The following ZYX variants were observed in gnomAD, a reference collection of about 807,000 sequenced individuals.
ZYX encodes the protein zyxin, also known as zyxin-2.
ZYX carries 37 observed loss-of-function variants against 58.1 expected under a neutral mutation model. The ratio of observed to expected loss-of-function variants is 0.64; its 90% CI spans 0.49 to 0.84. The LOEUF (loss-of-function observed/expected upper bound fraction) is 0.84, where lower values mean the gene tolerates loss of function less well. Among genes scored for constraint, ZYX ranks in the 40% least tolerant of loss-of-function variants. ZYX has a pLI of 0.00. For synonymous variants in ZYX, 324 were observed against 321.1 expected, an observed-to-expected ratio of 1.01 and a Z score of -0.10; for missense variants, 762 against 761.6, an observed-to-expected ratio of 1.00 and a Z score of -0.01.
At position 143,384,948 on chromosome 7, in the gene ZYX, G is replaced by A. The variant is rs146409228; in HGVS notation, c.1023+1626G>A. Among the ~76,000 whole-genome samples the A allele has an allele frequency of 3.6e-4, 55 of 152,284 alleles. No homozygotes were observed. The East Asian group carries it at 0.01, about 28-fold the overall frequency. Reference sequence around the variant, plus strand: ...AAATCCAGGGCTAGGTTTCAGGAGAGGGCCAGAGATGTCTAGCATGGTAGT... The same window carrying A: ...AAATCCAGGGCTAGGTTTCAGGAGAAGGCCAGAGATGTCTAGCATGGTAGT... On this transcript the variant is annotated intron_variant, in intron 5 of 9. Transcript: ENST00000322764. The surrounding 1 kb of genome is among the most constrained non-coding windows in gnomAD (Gnocchi z 4.9).
chr7:143,390,779 T>TAGCCCCTCCCATTTCC lies in ZYX; in HGVS notation c.*99_*114dup. On this transcript the variant is annotated 3_prime_UTR_variant, in exon 10 of 10. Transcript: ENST00000322764. The surrounding 1 kb of genome is among the most constrained non-coding windows in gnomAD (Gnocchi z 4.3). ...CCACCTCAGTTATTGTTTTGATGTC[T>TAGCCCCTCCCATTTCC]AGCCCCTCCCATTTCCAACCCCTCC... 1 of 943,796 alleles carries TAGCCCCTCCCATTTCC rather than the reference T, an allele frequency of 1.1e-6. No homozygotes were observed. The highest frequency in any genetic ancestry group is 2.1e-5 in the Admixed American group (1 of 48,472). The allele number at this position is 943,796 out of a possible 1,614,324, so 58.5% of individuals were successfully genotyped here.
In ZYX at chr7:143,381,602, T is replaced by G; in HGVS notation, c.31T>G (p.Ser11Ala). 1 of 1,611,462 alleles carries G rather than the reference T, an allele frequency of 6.2e-7. No individual in the cohort carries two copies. Among genetic ancestry groups the G allele is most frequent in the Non-Finnish European group, 8.5e-7 (1 of 1,179,226 alleles). ...GGCCCCCCGCCCGTCTCCCGCGATC[T>G]CCGTTTCGGTCTCGGCTCCGGCTTT... MAAPRPSPAI[S>A]VSVSAPAFYA... Residue 11 changes from serine to alanine, a missense_variant, in exon 2 of 10, where the codon TCC (serine) becomes GCC (alanine). Coordinates refer to ENST00000322764, the MANE Select transcript of ZYX (RefSeq NM_003461.5).
At chr7:143,382,477 T>C (rs1804662480) in intron 3 of ZYX, 30 bp downstream of exon 3, 2 of 1,586,914 alleles carry the variant, frequency 1.3e-6, no homozygotes, top group African/African-American at 2.7e-5. Flanking sequence ...GCGGCTGCAC[T>C]GGACACCCCC....
In ZYX at chr7:143,384,450, A is replaced by C. The variant is rs965177565; in HGVS notation, c.1023+1128A>C. Among the ~76,000 whole-genome samples the C allele has an allele frequency of 6.6e-6, 1 of 152,138 alleles. No individual in the cohort carries two copies. The highest frequency in any genetic ancestry group is 1.5e-5 in the Non-Finnish European group (1 of 68,008). On this transcript the variant is annotated intron_variant, in intron 5 of 9. Transcript: ENST00000322764. This position sits in a 1 kb window ranked among gnomAD's most constrained non-coding sequence, Gnocchi z 4.9. ...TGTAGGAGGTGAAGTGGCTCACCCA[A>C]GGAGCTCTTGAGCACTGGAGAGGCA... is the stretch of plus-strand genomic sequence containing the variant.
Position 143,382,452 on chromosome 7 carries a change from G to A in ZYX, c.408+5G>A, listed in dbSNP as rs768355813. Reference sequence around the variant, plus strand: ...CCCATACCGCCCCCACCACAGGTACGGAGGCCTGGGAGGGGCGGCTGCACT... The same window carrying A: ...CCCATACCGCCCCCACCACAGGTACAGAGGCCTGGGAGGGGCGGCTGCACT... On this transcript the variant is annotated splice_donor_5th_base_variant and intron_variant, in intron 3 of 9. Coordinates refer to ENST00000322764, the MANE Select transcript of ZYX (RefSeq NM_003461.5). 1.3e-6 allele frequency: 2 copies of A among 1,597,908 alleles called. No individual in the cohort carries two copies. Among genetic ancestry groups the A allele is most frequent in the Admixed American group, 3.5e-5 (2 of 56,846 alleles).
chr7:143,382,286 G>A lies in ZYX; in HGVS notation c.247G>A (p.Asp83Asn), dbSNP rs1804643673. 1 of 1,612,860 alleles carries A rather than the reference G, an allele frequency of 6.2e-7. No individual in the cohort carries two copies. Among genetic ancestry groups the A allele is most frequent in the Non-Finnish European group, 8.5e-7 (1 of 1,179,598 alleles). ...LPPPPLAGDG[D>N]DAEGALGGAF... ...TCCACCTCCCCTTGCTGGGGATGGC[G>A]ACGATGCAGAGGGTGCTCTGGGAGG... Residue 83 changes from aspartate (D) to asparagine (N), a missense_variant, in exon 3 of 10, where the codon GAC (aspartate) becomes AAC (asparagine). Asp to Asn is a conservative substitution (Grantham distance 23). Transcript: ENST00000322764.
chr7:143,390,072 A>G lies in ZYX; in HGVS notation c.1614+95A>G. On this transcript the variant is annotated intron_variant, in intron 9 of 9. Coordinates refer to ENST00000322764, the MANE Select transcript of ZYX (RefSeq NM_003461.5). This position sits in a 1 kb window ranked among gnomAD's most constrained non-coding sequence, Gnocchi z 4.3. ...TGGGAGGTGGAAAGCACCAGCATTC[A>G]GGAAACAGGGCTGTGATTTTGAGGG... 6.5e-7 allele frequency: 1 copy of G among 1,545,642 alleles called. No individual in the cohort carries two copies. The highest frequency in any genetic ancestry group is 8.8e-7 in the Non-Finnish European group (1 of 1,135,016).
rs116726109 is a variant in ZYX, at chr7:143,391,066, A to G, written c.*384A>G. ...ATTCCCACCCTCCCCCATGCTGCCAAGTTGTAGCTATAGCTACAAATAAAA... is the reference window on the plus strand; with the variant it reads ...ATTCCCACCCTCCCCCATGCTGCCAGGTTGTAGCTATAGCTACAAATAAAA... On this transcript the variant is annotated 3_prime_UTR_variant, in exon 10 of 10. Transcript: ENST00000322764. The G allele has an allele frequency of 9.5e-3, 2,942 of 308,754 alleles. 91 individuals carry two copies. Among genetic ancestry groups the G allele is most frequent in the African/African-American group, 0.06 (2,754 of 46,282 alleles). The allele number at this position is 308,754 out of a possible 1,614,324, so 19.1% of individuals were successfully genotyped here.
chr7:143,389,832 G>C lies in ZYX; in HGVS notation c.1494-25G>C, dbSNP rs1226500362. On this transcript the variant is annotated intron_variant, in intron 8 of 9. Coordinates refer to ENST00000322764, the MANE Select transcript of ZYX (RefSeq NM_003461.5). The surrounding 1 kb of genome is among the most constrained non-coding windows in gnomAD (Gnocchi z 5.6). ...CGGGGATGAAAGCCCTGGCTAACTCGGCTGGCCCTTTCTGCCCCTTCCAGG... is the reference window on the plus strand; with the variant it reads ...CGGGGATGAAAGCCCTGGCTAACTCCGCTGGCCCTTTCTGCCCCTTCCAGG... 2 of 1,612,438 alleles carry C rather than the reference G, an allele frequency of 1.2e-6. No homozygotes were observed. Among genetic ancestry groups the C allele is most frequent in the Non-Finnish European group, 1.7e-6 (2 of 1,179,692 alleles).
rs1213990798 is a variant in ZYX at position 143,382,444 on chromosome 7, A to G, written c.405A>G (p.Pro135=). 2 of 1,594,636 alleles carry G rather than the reference A, an allele frequency of 1.3e-6. 1 individual carries two copies. Among genetic ancestry groups the G allele is most frequent in the South Asian group, 2.2e-5 (2 of 90,020 alleles). Reference sequence around the variant, plus strand: ...CTGAGGCCCCCATACCGCCCCCACCACAGGTACGGAGGCCTGGGAGGGGCG... The same window carrying G: ...CTGAGGCCCCCATACCGCCCCCACCGCAGGTACGGAGGCCTGGGAGGGGCG... ...GGPEAPIPPP[P]QPREKVSSID... Residue 135 remains proline, a synonymous_variant, in exon 3 of 10, where the codon CCA becomes CCG. Transcript: ENST00000322764.
In ZYX at chr7:143,387,653, CCTCA is replaced by C. The variant is rs1332983345; in HGVS notation, c.1024-562_1024-559del. The stretch of plus-strand genomic sequence containing the variant: ...ACCTGAGTGAGGTAGTTCAGAGGCC[CCTCA>C]CTCGAGGGACAGGGTCTCTGTGTGG... On this transcript the variant is annotated intron_variant, in intron 5 of 9. Transcript: ENST00000322764. The surrounding 1 kb of genome is among the most constrained non-coding windows in gnomAD (Gnocchi z 5.8). 2.3e-5 allele frequency: 11 copies of C among 468,970 alleles called. No individual in the cohort carries two copies. Among genetic ancestry groups the C allele is most frequent in the Non-Finnish European group, 8.9e-6 (2 of 225,674 alleles). 29.1% of individuals were successfully genotyped at this position (468,970 alleles called of 1,614,324 possible).
In ZYX at chr7:143,387,791, G is replaced by GGTGTGTGTGCGC. The variant is rs1804919897; in HGVS notation, c.1024-420_1024-409dup. The GGTGTGTGTGCGC allele has an allele frequency of 2.1e-6, 1 of 473,712 alleles. No homozygotes were observed. Among genetic ancestry groups the GGTGTGTGTGCGC allele is most frequent in the African/African-American group, 2.0e-5 (1 of 50,186 alleles). 29.3% of individuals were successfully genotyped at this position (473,712 alleles called of 1,614,324 possible). A position where few individuals can be genotyped will look rare whatever the true frequency, so the allele number is the denominator to read the frequency against. On this transcript the variant is annotated intron_variant, in intron 5 of 9. Transcript: ENST00000322764. The surrounding 1 kb of genome is among the most constrained non-coding windows in gnomAD (Gnocchi z 5.8). ...TGCTCAGCAGCAGGCAGGCCGGGTA[G>GGTGTGTGTGCGC]GTGTGTGTGCGCGTGTGTGCACGCC...
At position 143,383,010 on chromosome 7, in the gene ZYX, T is replaced by C. The variant is rs993720585; in HGVS notation, c.711T>C (p.His237=). The part of the protein sequence containing the change: ...QPQPKPQVQL[H]VQSQTQPVSL... ...AGCCCAAGCCTCAGGTCCAACTCCA[T>C]GTCCAGTCCCAGACCCAGCCTGTGT... is the stretch of plus-strand genomic sequence containing the variant. The change falls in exon 5 of 10, where the codon CAT becomes CAC. Residue 237 remains histidine (H), a synonymous_variant. Coordinates refer to ENST00000322764, the MANE Select transcript of ZYX (RefSeq NM_003461.5). The C allele has an allele frequency of 6.2e-6, 10 of 1,613,838 alleles. No homozygotes were observed. The highest frequency in any genetic ancestry group is 1.7e-5 in the Admixed American group (1 of 59,990).
intron 1 of ZYX, 58 bp downstream of exon 1, chr7:143,381,467 G>A (rs1586559108): frequency 1.5e-6 from 2 of 1,309,238 alleles, no homozygotes; most frequent in East Asian, 3.1e-5. Flanking sequence ...GGCGCCGGGA[G>A]GGGGCGAGTG....
chr7:143,385,478 G>A (rs1563108845), intron 5 of ZYX, among the ~76,000 whole-genome samples: 1 of 151,636 alleles, frequency 6.6e-6, no homozygotes, highest in Non-Finnish European at 1.5e-5. Flanking sequence ...GTGAAAGTAT[G>A]TGTATATGAG....
intron 5 of ZYX, among the ~76,000 whole-genome samples, chr7:143,383,590 T>A (rs1804747857): frequency 6.6e-6 from 1 of 152,138 alleles, no homozygotes; most frequent in Non-Finnish European, 1.5e-5. Context: ...ATTAGGAGGA[T>A]CTGGTGGACC....
intron 2 of ZYX, 118 bp downstream of exon 2, chr7:143,381,897 T>C: frequency 9.6e-7 from 1 of 1,037,122 alleles, no homozygotes; most frequent in Non-Finnish European, 1.4e-6. Context: ...GCAGCCACCC[T>C]GTCCCGAGCA....
chr7:143,382,466 G>A lies in ZYX; in HGVS notation c.408+19G>A. 1 of 1,597,368 alleles carries A rather than the reference G, an allele frequency of 6.3e-7. No individual in the cohort carries two copies. Among genetic ancestry groups the A allele is most frequent in the Non-Finnish European group, 8.6e-7 (1 of 1,169,494 alleles). On this transcript the variant is annotated intron_variant, in intron 3 of 9. Coordinates refer to ENST00000322764, the MANE Select transcript of ZYX (RefSeq NM_003461.5). ...ACCACAGGTACGGAGGCCTGGGAGG[G>A]GCGGCTGCACTGGACACCCCCAAGG...
At position 143,387,786 on chromosome 7, in the gene ZYX, G is replaced by C. The variant is rs540778870; in HGVS notation, c.1024-433G>C. 8.5e-6 allele frequency: 4 copies of C among 473,042 alleles called. No individual in the cohort carries two copies. Among genetic ancestry groups the C allele is most frequent in the Admixed American group, 2.3e-5 (1 of 42,624 alleles). 29.3% of individuals were successfully genotyped at this position (473,042 alleles called of 1,614,324 possible). On this transcript the variant is annotated intron_variant, in intron 5 of 9. Transcript: ENST00000322764. This position sits in a 1 kb window ranked among gnomAD's most constrained non-coding sequence, Gnocchi z 5.8. Reference sequence around the variant, plus strand: ...GGGGCTGCTCAGCAGCAGGCAGGCCGGGTAGGTGTGTGTGCGCGTGTGTGC... The same window carrying C: ...GGGGCTGCTCAGCAGCAGGCAGGCCCGGTAGGTGTGTGTGCGCGTGTGTGC...
Sources: allele counts gnomAD v4.1 joint callset (sites outside exome capture counted in the v4.1 genomes callset), GRCh38; gene constraint gnomAD v4.1.1; non-coding constraint Gnocchi (gnomAD v3.1); transcripts MANE v1.5; gene names NCBI Gene and HGNC (gene_info 2026-07-23, HGNC 2026-07-21).